The following CTDSPL variants were observed in gnomAD, a reference collection of about 807,000 sequenced individuals.
CTDSPL encodes CTD small phosphatase-like protein.
Under a neutral mutation model 30.5 loss-of-function variants are expected in CTDSPL, and 8 were observed. The observed-to-expected ratio is 0.26, with a 90% CI of 0.15 to 0.47. The LOEUF is 0.47. CTDSPL is among the 20% of genes least tolerant of loss of function. The pLI is 0.99. For missense variants in CTDSPL, 248 were observed against 366.1 expected (o/e 0.68, Z 2.63); for synonymous variants, 110 against 137.9 (o/e 0.80, Z 1.42).
chr3:37,893,436 A>G lies in CTDSPL; in HGVS notation c.79+31158A>G, dbSNP rs2125597620. ...CACTTCCAGAGCTCTCTGGGGAACT[A>G]TTTCTGGACTAACAAGTCCAACAAA... On this transcript the variant is annotated intron_variant, in intron 1 of 7. Transcript: ENST00000273179. 2.0e-5 allele frequency among the ~76,000 whole-genome samples: 3 copies of G among 152,312 alleles called. 1 individual carries two copies. Among genetic ancestry groups the G allele is most frequent in the South Asian group, 4.1e-4 (2 of 4,828 alleles).
At chr3:37,913,217 G>C (rs1698603364) in intron 1 of CTDSPL, among the ~76,000 whole-genome samples, 1 of 152,196 alleles carries the variant, frequency 6.6e-6, no homozygotes, top group Non-Finnish European at 1.5e-5. Flanking sequence ...CTACTCAGGA[G>C]GCTGAGGTGG....
chr3:37,973,510 T>A (rs1272955577), intron 6 of CTDSPL, among the ~76,000 whole-genome samples: 1 of 152,216 alleles, frequency 6.6e-6, no homozygotes, highest in Non-Finnish European at 1.5e-5. Flanking sequence ...CCGAATCAGC[T>A]CCCACGTGCA....
At chr3:37,869,690 G>A (rs1042989645) in intron 1 of CTDSPL, among the ~76,000 whole-genome samples, 8 of 152,110 alleles carry the variant, frequency 5.3e-5, no homozygotes, top group African/African-American at 1.9e-4. Flanking sequence ...CTTGGTCCCA[G>A]TCTTAGGGGG....
At position 37,922,574 on chromosome 3, in the gene CTDSPL, G is replaced by C. The variant is rs572752537; in HGVS notation, c.80-24483G>C. Reference sequence around the variant, plus strand: ...GAGTGTCTTTTTATTAAAGCAGCTAGCAGGCTTCCTTACATTAGATGCCAG... The same window carrying C: ...GAGTGTCTTTTTATTAAAGCAGCTACCAGGCTTCCTTACATTAGATGCCAG... On this transcript the variant is annotated intron_variant, in intron 1 of 7. Transcript: ENST00000273179. 2.0e-5 allele frequency among the ~76,000 whole-genome samples: 3 copies of C among 152,324 alleles called. No homozygotes were observed. The South Asian group carries it at 6.2e-4, about 32-fold the overall frequency.
chr3:37,872,888 T>C (rs1162865012), intron 1 of CTDSPL, among the ~76,000 whole-genome samples: 1 of 152,100 alleles, frequency 6.6e-6, no homozygotes, highest in East Asian at 1.9e-4. Flanking sequence ...TTTGCCTCTT[T>C]TGACCTGCTG....
chr3:37,896,943 A>T (rs1698396695), intron 1 of CTDSPL, among the ~76,000 whole-genome samples: 1 of 152,118 alleles, frequency 6.6e-6, no homozygotes, highest in African/African-American at 2.4e-5. Context: ...TTTCAGACAC[A>T]TCCTCTTGGT....
At chr3:37,890,817 C>T (rs1236568403) in intron 1 of CTDSPL, among the ~76,000 whole-genome samples, 2 of 151,936 alleles carry the variant, frequency 1.3e-5, no homozygotes, top group Non-Finnish European at 2.9e-5. Flanking sequence ...TAAGGCTGAG[C>T]GGGAGTGTAT....
rs376679812 is a variant in CTDSPL at position 37,961,634 on chromosome 3, A to G, written c.268-2937A>G. On this transcript the variant is annotated intron_variant, in intron 3 of 7. Coordinates refer to ENST00000273179, the MANE Select transcript of CTDSPL (RefSeq NM_001008392.2). ...ATAGTACACTTCTTTCCACGAAAAC[A>G]TTATGAAGAACATACAAGCAGGACA... is the stretch of plus-strand genomic sequence containing the variant. 3.9e-5 allele frequency among the ~76,000 whole-genome samples: 6 copies of G among 152,334 alleles called. No homozygotes were observed. The East Asian group carries it at 7.7e-4, about 20-fold the overall frequency.
At chr3:37,921,075 G>A (rs9869384) in intron 1 of CTDSPL, among the ~76,000 whole-genome samples, 37,791 of 152,082 alleles carry the variant, frequency 0.25, 6,399 homozygotes, top group African/African-American at 0.48. Flanking sequence ...CAGAGAGGAA[G>A]AGCAGAGAAA....
At chr3:37,873,127 G>A (rs903335416) in intron 1 of CTDSPL, among the ~76,000 whole-genome samples, 1 of 152,180 alleles carries the variant, frequency 6.6e-6, no homozygotes, top group Non-Finnish European at 1.5e-5. Context: ...AGCTTTCAGG[G>A]ATGAGCTTCA....
Position 37,973,677 on chromosome 3 carries a change from C to T in CTDSPL, c.520-2032C>T, listed in dbSNP as rs142487407. 4.9e-3 allele frequency among the ~76,000 whole-genome samples: 751 copies of T among 152,346 alleles called. 11 individuals are homozygous for T. Among genetic ancestry groups the T allele is most frequent in the Middle Eastern group, 0.024 (7 of 294 alleles). On this transcript the variant is annotated intron_variant, in intron 6 of 7. Coordinates refer to ENST00000273179, the MANE Select transcript of CTDSPL (RefSeq NM_001008392.2). ...CCCGCAGGAACCTCAAGCTGACTGT[C>T]GTAGCCTTTCAGTATCTGCTTCATT...
At chr3:37,899,398 C>T (rs1376834418) in intron 1 of CTDSPL, among the ~76,000 whole-genome samples, 1 of 152,204 alleles carries the variant, frequency 6.6e-6, no homozygotes, top group Non-Finnish European at 1.5e-5. Context: ...GTCTGTAGCA[C>T]ATAACCACTC....
intron 1 of CTDSPL, among the ~76,000 whole-genome samples, chr3:37,938,746 TCTCGG>T (rs1488548648): frequency 6.7e-6 from 1 of 148,984 alleles, no homozygotes; most frequent in Non-Finnish European, 1.5e-5. Context: ...AGTGGCGTGA[TCTCGG>T]CTCACTGCAA....
chr3:37,955,535 T>G (rs1248163163), intron 2 of CTDSPL, among the ~76,000 whole-genome samples: 2 of 152,218 alleles, frequency 1.3e-5, no homozygotes, highest in Admixed American at 6.5e-5. Flanking sequence ...AGTCATGTCA[T>G]TTGCAGCAAC....
At chr3:37,974,022 G>A (rs891728217) in intron 6 of CTDSPL, among the ~76,000 whole-genome samples, 7 of 152,200 alleles carry the variant, frequency 4.6e-5, no homozygotes, top group East Asian at 1.9e-4. Context: ...ACACAAATTC[G>A]TAAACTTTCT....
At chr3:37,970,340 T>C (rs889656175) in intron 5 of CTDSPL, among the ~76,000 whole-genome samples, 1 of 152,238 alleles carries the variant, frequency 6.6e-6, no homozygotes, top group Admixed American at 6.5e-5. Context: ...TTTATTTTTA[T>C]ATGTTTTTGC....
At chr3:37,957,585 C>T (rs533847777) in intron 3 of CTDSPL, among the ~76,000 whole-genome samples, 1 of 152,318 alleles carries the variant, frequency 6.6e-6, no homozygotes, top group East Asian at 1.9e-4. Flanking sequence ...GGTGACCAGA[C>T]TGTTTCTAAC....
chr3:37,977,723 T>TAA (rs879690217), intron 7 of CTDSPL, among the ~76,000 whole-genome samples: 2 of 143,686 alleles, frequency 1.4e-5, no homozygotes, highest in Admixed American at 7.0e-5. Flanking sequence ...CCCCATCTCT[T>TAA]AAAAAAAAAA....
chr3:37,960,623 G>C (rs1297119730), intron 3 of CTDSPL, among the ~76,000 whole-genome samples: 11 of 111,752 alleles, frequency 9.8e-5, no homozygotes, highest in Non-Finnish European at 1.7e-4. Flanking sequence ...CAGCTAACTC[G>C]GGAGGCTGAG....
Sources: gnomAD v4.1 joint callset for allele counts (sites outside exome capture counted in the v4.1 genomes callset) on GRCh38, gnomAD v4.1.1 for gene constraint, MANE v1.5 for transcripts, NCBI Gene and HGNC (gene_info 2026-07-23, HGNC 2026-07-21) for gene names.